The following CSMD1 variants were observed in gnomAD, a reference collection of about 807,000 sequenced individuals.
The protein encoded by CSMD1 is CUB and sushi domain-containing protein 1.
CSMD1 carries 213 observed loss-of-function variants against 417.5 expected under a neutral mutation model. The ratio of observed to expected loss-of-function variants is 0.51; its 90% CI spans 0.46 to 0.57. The LOEUF (loss-of-function observed/expected upper bound fraction) is 0.57. Among genes scored for constraint, CSMD1 ranks in the 20% least tolerant of loss-of-function variants. The probability of loss-of-function intolerance (pLI) is 0.00; values close to 1 mark genes in which losing one functional copy is unlikely to be tolerated. For missense variants in CSMD1, 6,923 were observed against 4,529.7 expected (o/e 1.53, Z -15.17); for synonymous variants, 2,862 against 1,736.8 (o/e 1.65, Z -16.11).
At position 3,994,466 on chromosome 8, in the gene CSMD1, AG is replaced by A. The variant is rs550738694; in HGVS notation, c.818+3436del. Among the ~76,000 whole-genome samples the A allele has an allele frequency of 1.4e-3, 206 of 144,840 alleles. 1 individual carries two copies. The highest frequency in any genetic ancestry group is 5.1e-3 in the African/African-American group (190 of 37,614). On this transcript the variant is annotated intron_variant, in intron 5 of 69. Transcript: ENST00000635120. ...TCTTCAGAAAAAAAAAAAAAAAAAAAGAACACTTGGCTAGTCTCACCACTAC... is the reference window on the plus strand; with the variant it reads ...TCTTCAGAAAAAAAAAAAAAAAAAAAAACACTTGGCTAGTCTCACCACTAC...
intron 5 of CSMD1, among the ~76,000 whole-genome samples, chr8:3,930,553 T>A (rs1277549095): frequency 6.7e-6 from 1 of 150,282 alleles, no homozygotes; most frequent in Non-Finnish European, 1.5e-5. Flanking sequence ...TGCTAGCCAA[T>A]CGGGACAAAT....
intron 4 of CSMD1, among the ~76,000 whole-genome samples, chr8:4,009,378 T>A (rs1192918950): frequency 6.6e-6 from 1 of 152,206 alleles, no homozygotes; most frequent in Non-Finnish European, 1.5e-5. Context: ...GAACATTACT[T>A]AGAAGCAAAC....
chr8:4,008,245 C>G (rs149964552), intron 4 of CSMD1, among the ~76,000 whole-genome samples: 10 of 152,108 alleles, frequency 6.6e-5, no homozygotes, highest in Admixed American at 6.5e-4. Context: ...ACTTAAAAAC[C>G]ACATATAAAA....
intron 3 of CSMD1, among the ~76,000 whole-genome samples, chr8:4,326,941 C>G (rs1006828443): frequency 5.9e-5 from 9 of 152,096 alleles, no homozygotes; most frequent in Non-Finnish European, 5.9e-5. Flanking sequence ...CAAGGAATGT[C>G]TACTTTGGAA....
intron 49 of CSMD1, among the ~76,000 whole-genome samples, chr8:3,067,561 A>T (rs757861008): frequency 1.3e-5 from 2 of 151,390 alleles, no homozygotes; most frequent in Non-Finnish European, 2.9e-5. Context: ...AGTGAGCTCA[A>T]CTCTAATGTC....
At chr8:3,193,084 C>T (rs1228288289) in intron 33 of CSMD1, among the ~76,000 whole-genome samples, 1 of 152,138 alleles carries the variant, frequency 6.6e-6, no homozygotes, top group Non-Finnish European at 1.5e-5. Flanking sequence ...ATCTAAGAGG[C>T]TTCAGGTATT....
chr8:3,393,871 G>A (rs1046696547), intron 17 of CSMD1, among the ~76,000 whole-genome samples: 2 of 151,084 alleles, frequency 1.3e-5, no homozygotes, highest in East Asian at 3.9e-4. Flanking sequence ...GATAGCATTA[G>A]GAGATATACC....
intron 5 of CSMD1, among the ~76,000 whole-genome samples, chr8:3,804,590 T>C (rs1255176622): frequency 6.6e-6 from 1 of 152,180 alleles, no homozygotes; most frequent in Non-Finnish European, 1.5e-5. Context: ...CTTTTATGCA[T>C]ATTTTGTAGT....
chr8:3,480,998 T>C (rs981481587), intron 11 of CSMD1, among the ~76,000 whole-genome samples: 4 of 150,764 alleles, frequency 2.7e-5, no homozygotes, highest in Non-Finnish European at 5.9e-5. Flanking sequence ...GAACTAAAAA[T>C]ACAAAAAATT....
chr8:3,008,387 G>A (rs10096894), intron 52 of CSMD1, among the ~76,000 whole-genome samples: 59,438 of 152,130 alleles, frequency 0.39, 13,010 homozygotes, highest in East Asian at 0.68. Flanking sequence ...TAGACCAGGG[G>A]AGGCTGCACA....
At chr8:4,260,882 G>A (rs1257954317) in intron 3 of CSMD1, among the ~76,000 whole-genome samples, 8 of 152,216 alleles carry the variant, frequency 5.3e-5, no homozygotes, top group African/African-American at 9.6e-5. Flanking sequence ...AATCTTTGTC[G>A]TGTTTGATAT....
intron 3 of CSMD1, among the ~76,000 whole-genome samples, chr8:4,129,543 G>C (rs556652139): frequency 1.3e-5 from 2 of 151,670 alleles, no homozygotes; most frequent in African/African-American, 4.8e-5. Flanking sequence ...TTTTGAGATT[G>C]GATTCCATCA....
intron 2 of CSMD1, among the ~76,000 whole-genome samples, chr8:4,561,989 G>A (rs1585252534): frequency 6.6e-6 from 1 of 152,144 alleles, no homozygotes; most frequent in Non-Finnish European, 1.5e-5. Context: ...GAGAGTTAAG[G>A]AAGCTTTAAA....
intron 3 of CSMD1, among the ~76,000 whole-genome samples, chr8:4,414,035 G>C (rs1796794303): frequency 1.3e-5 from 2 of 151,946 alleles, no homozygotes; most frequent in South Asian, 2.1e-4. Flanking sequence ...GCACGTTCTT[G>C]AAAAGGAAAC....
chr8:3,747,384 C>CT (rs35273023), intron 6 of CSMD1, among the ~76,000 whole-genome samples: 61,343 of 151,690 alleles, frequency 0.4, 12,605 homozygotes, highest in African/African-American at 0.49. Context: ...TTTGAAAACA[C>CT]TTTTTTCACA....
At chr8:2,981,645 T>A (rs1268312094) in intron 54 of CSMD1, among the ~76,000 whole-genome samples, 1 of 152,128 alleles carries the variant, frequency 6.6e-6, no homozygotes, top group East Asian at 1.9e-4. Flanking sequence ...GCGTGGATTT[T>A]GTCAGCTGGA....
chr8:4,492,451 C>A (rs1258289845), intron 2 of CSMD1, among the ~76,000 whole-genome samples: 1 of 152,166 alleles, frequency 6.6e-6, no homozygotes, highest in Non-Finnish European at 1.5e-5. Context: ...TATTTTACAT[C>A]ACAAGTAAAC....
intron 2 of CSMD1, among the ~76,000 whole-genome samples, chr8:4,432,018 G>T (rs370707470): frequency 3.3e-5 from 5 of 152,026 alleles, no homozygotes; most frequent in African/African-American, 1.2e-4. Context: ...ATTCTCAAAA[G>T]GCCTGCAAAA....
chr8:3,639,750 A>T (rs183633883), intron 7 of CSMD1, among the ~76,000 whole-genome samples: 2 of 152,178 alleles, frequency 1.3e-5, no homozygotes, highest in Non-Finnish European at 2.9e-5. Flanking sequence ...TTTATTCACT[A>T]ATATATACAT....
Sources: gnomAD v4.1 joint callset for allele counts (sites outside exome capture counted in the v4.1 genomes callset) on GRCh38, gnomAD v4.1.1 for gene constraint, MANE v1.5 for transcripts, NCBI Gene and HGNC (gene_info 2026-07-23, HGNC 2026-07-21) for gene names.